Variants in SLC25A40 observed in about 807,000 individuals in gnomAD.
The protein encoded by SLC25A40 is solute carrier family 25 member 40.
Under a neutral mutation model 46.5 loss-of-function variants are expected in SLC25A40, and 41 were observed. The ratio of observed to expected loss-of-function variants is 0.88; its 90% CI spans 0.69 to 1.14. The LOEUF (loss-of-function observed/expected upper bound fraction) is 1.14, where lower values mean the gene tolerates loss of function less well. Ranked by LOEUF, SLC25A40 falls within the 50% of genes most tolerant of loss-of-function variation. SLC25A40 has a pLI of 0.00. For synonymous variants in SLC25A40, 126 were observed against 127.5 expected (o/e 0.99, Z 0.08); for missense variants, 386 against 393.6 (o/e 0.98, Z 0.16).
Position 87,850,364 on chromosome 7 carries a change from C to G in SLC25A40, c.265-416G>C, listed in dbSNP as rs144560365. 4.9e-3 allele frequency among the ~76,000 whole-genome samples: 748 copies of G among 152,212 alleles called. 7 individuals carry two copies. Among genetic ancestry groups the G allele is most frequent in the African/African-American group, 0.017 (716 of 41,536 alleles). On this transcript the variant is annotated intron_variant, in intron 5 of 11. Coordinates refer to ENST00000341119, the MANE Select transcript of SLC25A40 (RefSeq NM_018843.4). ...GTAGGCAGAGCTGAAGAGAAGTCTTCTATTAACAGACAGACTCTTACAATT... is the reference window on the plus strand; with the variant it reads ...GTAGGCAGAGCTGAAGAGAAGTCTTGTATTAACAGACAGACTCTTACAATT...
chr7:87,864,386 G>T (rs1838755919), intron 1 of SLC25A40, among the ~76,000 whole-genome samples: 1 of 152,138 alleles, frequency 6.6e-6, no homozygotes, highest in Admixed American at 6.5e-5. Context: ...ATACACAACG[G>T]ATTAGTGTAA....
In SLC25A40 at chr7:87,836,037, G is replaced by C; in HGVS notation, c.*212C>G. On this transcript the variant is annotated 3_prime_UTR_variant, in exon 12 of 12. Coordinates refer to ENST00000341119, the MANE Select transcript of SLC25A40 (RefSeq NM_018843.4). ...ATTTTTACAAGAATGCTCAATGGTG[G>C]TGATTTCTAGAATATCTTTTTCAAT... 2.4e-6 allele frequency: 1 copy of C among 410,298 alleles called. No individual in the cohort carries two copies. 25.4% of individuals were successfully genotyped at this position (410,298 alleles called of 1,614,324 possible). A position where few individuals can be genotyped will look rare whatever the true frequency, so the allele number is the denominator to read the frequency against.
intron 1 of SLC25A40, among the ~76,000 whole-genome samples, chr7:87,864,493 G>T (rs940365625): frequency 6.6e-6 from 1 of 152,224 alleles, no homozygotes; most frequent in East Asian, 1.9e-4. Context: ...TTATATATCA[G>T]GGTGTTCCCG....
intron 7 of SLC25A40, 96 bp downstream of exon 7, chr7:87,847,748 TATCATACTA>T: frequency 9.0e-7 from 1 of 1,112,854 alleles, no homozygotes; most frequent in Non-Finnish European, 1.2e-6. Context: ...ATGCAAAATA[TATCATACTA>T]ATACTCTATA....
chr7:87,849,730 A>G (rs1838478571), intron 6 of SLC25A40, 151 bp downstream of exon 6: 2 of 534,322 alleles, frequency 3.7e-6, no homozygotes, highest in Non-Finnish European at 6.5e-6. Flanking sequence ...TACATCATCA[A>G]ACATGTGGGT....
chr7:87,864,980 CTT>C (rs927908236), intron 1 of SLC25A40, among the ~76,000 whole-genome samples: 18 of 121,442 alleles, frequency 1.5e-4, no homozygotes, highest in Non-Finnish European at 2.5e-4. Flanking sequence ...CTTTTCTTTT[CTT>C]TTTTTTTTTT....
chr7:87,844,312 A>ATT (rs1838380585), intron 8 of SLC25A40, among the ~76,000 whole-genome samples: 1 of 152,166 alleles, frequency 6.6e-6, no homozygotes, highest in African/African-American at 2.4e-5. Context: ...ATGTTAACAA[A>ATT]ACCATGGGAT....
At chr7:87,842,582 G>A (rs1215226797) in intron 9 of SLC25A40, among the ~76,000 whole-genome samples, 3 of 151,980 alleles carry the variant, frequency 2.0e-5, no homozygotes, top group African/African-American at 7.2e-5. Context: ...TAAAATCAAG[G>A]ACTGTTTCTC....
chr7:87,869,445 C>G (rs1838860132), intron 1 of SLC25A40, among the ~76,000 whole-genome samples: 1 of 151,720 alleles, frequency 6.6e-6, no homozygotes, highest in African/African-American at 2.4e-5. Context: ...GGGAGGATCA[C>G]TTGAGCCTAG....
At chr7:87,851,811 G>C (rs2131006302) in intron 5 of SLC25A40, among the ~76,000 whole-genome samples, 1 of 152,226 alleles carries the variant, frequency 6.6e-6, no homozygotes, top group East Asian at 1.9e-4. Context: ...GACAGAAAAA[G>C]ACAGCTAAAA....
At position 87,847,036 on chromosome 7, in the gene SLC25A40, A is replaced by T. The variant is rs145715765; in HGVS notation, c.544T>A (p.Phe182Ile). The change falls in exon 8 of 12, where the codon TTT becomes ATT. Residue 182 changes from phenylalanine to isoleucine, a missense_variant. Transcript: ENST00000341119. ...TCTTCAGATACTTTCTTGCTGACAA[A>T]TCGATGCAGTTCCACGTAAGAAAAC... ...KKFSYVELHR[F>I]VSKKVSEDGW... is the part of the protein sequence containing the mutation. The T allele has an allele frequency of 5.8e-5, 94 of 1,613,782 alleles. No homozygotes were observed. In the African/African-American group the frequency reaches 1.1e-3, roughly 19 times the overall value.
chr7:87,859,443 A>G (rs920776046), intron 2 of SLC25A40, among the ~76,000 whole-genome samples: 9 of 151,894 alleles, frequency 5.9e-5, no homozygotes, highest in African/African-American at 1.2e-4. Context: ...CTCTGTCTCA[A>G]AAAAAAATAA....
At chr7:87,869,934 C>T (rs549670227) in intron 1 of SLC25A40, among the ~76,000 whole-genome samples, 16 of 152,254 alleles carry the variant, frequency 1.1e-4, no homozygotes, top group Admixed American at 9.2e-4. Context: ...ATGCAAGTTC[C>T]AGTTGCTTCA....
At chr7:87,845,776 G>A (rs1253295772) in intron 8 of SLC25A40, among the ~76,000 whole-genome samples, 1 of 151,958 alleles carries the variant, frequency 6.6e-6, no homozygotes, top group Non-Finnish European at 1.5e-5. Flanking sequence ...TTAATAACCA[G>A]GGAAATGCAA....
intron 3 of SLC25A40, among the ~76,000 whole-genome samples, chr7:87,858,056 AC>A (rs1838641965): frequency 6.6e-6 from 1 of 152,116 alleles, no homozygotes; most frequent in East Asian, 1.9e-4. Context: ...AGACTGAAAT[AC>A]GCCCTGGTCT....
intron 1 of SLC25A40, among the ~76,000 whole-genome samples, chr7:87,866,848 T>G (rs1245955953): frequency 3.3e-5 from 5 of 152,236 alleles, no homozygotes; most frequent in Non-Finnish European, 7.3e-5. Flanking sequence ...CCTTCACTGA[T>G]TAATCCTTTT....
intron 9 of SLC25A40, 36 bp from the exon 10 acceptor site, chr7:87,841,750 C>G (rs1425276719): frequency 7.8e-7 from 1 of 1,278,072 alleles, no homozygotes; most frequent in Non-Finnish European, 1.1e-6. Flanking sequence ...TTCAATCAAC[C>G]TGTTAATTTT....
intron 6 of SLC25A40, among the ~76,000 whole-genome samples, chr7:87,848,508 T>C (rs938589674): frequency 1.3e-5 from 2 of 152,230 alleles, no homozygotes; most frequent in African/African-American, 4.8e-5. Flanking sequence ...TTCTTTCTCA[T>C]TCATAATTAC....
chr7:87,862,899 G>C (rs1444945835), intron 1 of SLC25A40, among the ~76,000 whole-genome samples: 1 of 152,058 alleles, frequency 6.6e-6, no homozygotes, highest in East Asian at 1.9e-4. Context: ...CACAAGAATA[G>C]GATGGGAAAG....
Sources: allele counts gnomAD v4.1 joint callset (sites outside exome capture counted in the v4.1 genomes callset), GRCh38; gene constraint gnomAD v4.1.1; transcripts MANE v1.5; gene names NCBI Gene and HGNC (gene_info 2026-07-23, HGNC 2026-07-21).